PTGFRN: variants seen among roughly 807,000 people sequenced by gnomAD.
PTGFRN encodes prostaglandin F2 receptor negative regulator.
PTGFRN carries 35 observed loss-of-function variants against 83.2 expected under a neutral mutation model. The observed-to-expected ratio is 0.42, with a 90% confidence interval of 0.32 to 0.56. PTGFRN has a LOEUF of 0.56. PTGFRN is among the 20% of genes least tolerant of loss of function. The pLI is 0.11. For synonymous variants in PTGFRN, 519 were observed against 498.6 expected (o/e 1.04, Z -0.55); for missense variants, 1,051 against 1,179.5 (o/e 0.89, Z 1.60).
intron 1 of PTGFRN, among the ~76,000 whole-genome samples, chr1:116,934,371 C>T (rs918091174): frequency 3.9e-5 from 6 of 151,904 alleles, no homozygotes; most frequent in African/African-American, 9.7e-5. Flanking sequence ...GATCTTGAAC[C>T]CCTGGGCTCA....
chr1:116,961,298 C>T lies in PTGFRN; in HGVS notation c.1269C>T (p.Asp423=). The stretch of plus-strand genomic sequence containing the variant: ...CCAAGGTCCCCGGGTTTGCGGATGA[C>T]CCCACAGAGCTGGCATGCCGGGTGG... ...NASKVPGFAD[D]PTELACRVVD... The change falls in exon 5 of 9, where the codon GAC becomes GAT. Residue 423 remains aspartate (D), a synonymous_variant. Transcript: ENST00000393203. The surrounding 1 kb of genome is among the most constrained non-coding windows in gnomAD (Gnocchi z 5.4). The T allele has an allele frequency of 6.5e-7, 1 of 1,548,990 alleles. No homozygotes were observed. The highest frequency in any genetic ancestry group is 8.7e-7 in the Non-Finnish European group (1 of 1,146,500).
At position 116,961,821 on chromosome 1, in the gene PTGFRN, C is replaced by T. The variant is rs1248532166; in HGVS notation, c.1639+153C>T. ...CGCCATGCGACCCGTTGCACATGCT[C>T]TTTGGACTCACTATCACCCCTCCTC... On this transcript the variant is annotated intron_variant, in intron 5 of 8. Transcript: ENST00000393203. This position sits in a 1 kb window ranked among gnomAD's most constrained non-coding sequence, Gnocchi z 5.4. Among the ~76,000 whole-genome samples the T allele has an allele frequency of 6.6e-6, 1 of 152,202 alleles. No individual in the cohort carries two copies. Among genetic ancestry groups the T allele is most frequent in the Non-Finnish European group, 1.5e-5 (1 of 68,040 alleles).
chr1:116,927,489 T>C (rs1213839615), intron 1 of PTGFRN, among the ~76,000 whole-genome samples: 2 of 151,628 alleles, frequency 1.3e-5, no homozygotes, highest in East Asian at 3.9e-4. Context: ...GTTCCTCACT[T>C]GTTGGTGGCA....
intron 4 of PTGFRN, among the ~76,000 whole-genome samples, chr1:116,954,101 G>A (rs866408350): frequency 2.0e-5 from 3 of 152,030 alleles, no homozygotes; most frequent in Middle Eastern, 6.8e-3. Context: ...CAGGTGATCC[G>A]CCCGTCTCGG....
At chr1:116,970,568 T>C (rs1346407211) in intron 6 of PTGFRN, among the ~76,000 whole-genome samples, 5 of 152,232 alleles carry the variant, frequency 3.3e-5, no homozygotes, top group African/African-American at 1.2e-4. Flanking sequence ...TTGAGTCTAT[T>C]CCTCAGTTCT....
chr1:116,938,824 T>C (rs1441914470), intron 1 of PTGFRN, among the ~76,000 whole-genome samples: 2 of 152,220 alleles, frequency 1.3e-5, no homozygotes, highest in Non-Finnish European at 2.9e-5. Context: ...GGTTAGTTAC[T>C]TCCTAGATAC....
In PTGFRN at chr1:116,974,332, C is replaced by T. The variant is rs775489430; in HGVS notation, c.2167+9C>T. 1.3e-6 allele frequency: 2 copies of T among 1,565,914 alleles called. No homozygotes were observed. The highest frequency in any genetic ancestry group is 1.8e-6 in the Non-Finnish European group (2 of 1,136,572). ...AGCAGCACTGGATCCAGGTACCTCA[C>T]TCCATCCTCACCCCTTCACCATGTT... On this transcript the variant is annotated intron_variant, in intron 7 of 8. Transcript: ENST00000393203.
In PTGFRN at chr1:116,923,364, G is replaced by A. The variant is rs915761849; in HGVS notation, c.49+13112G>A. Among the ~76,000 whole-genome samples the A allele has an allele frequency of 6.6e-6, 1 of 152,098 alleles. No homozygotes were observed. The highest frequency in any genetic ancestry group is 1.9e-4 in the East Asian group (1 of 5,194). ...TCTTCTTTTGTTTGGAAAGAATTGC[G>A]TGTGACTTCATTTCTAAGACAGGTT... On this transcript the variant is annotated intron_variant, in intron 1 of 8. Coordinates refer to ENST00000393203, the MANE Select transcript of PTGFRN (RefSeq NM_020440.4). This position sits in a 1 kb window ranked among gnomAD's most constrained non-coding sequence, Gnocchi z 4.0.
rs779561591 is a variant in PTGFRN at position 116,944,864 on chromosome 1, G to C, written c.604G>C (p.Glu202Gln). 6.2e-7 allele frequency: 1 copy of C among 1,605,096 alleles called. No homozygotes were observed. Among genetic ancestry groups the C allele is most frequent in the Non-Finnish European group, 8.5e-7 (1 of 1,177,156 alleles). The change falls in exon 3 of 9, where the codon GAG (glutamate) becomes CAG (glutamine). Residue 202 changes from glutamate (E) to glutamine (Q), a missense_variant. Coordinates refer to ENST00000393203, the MANE Select transcript of PTGFRN (RefSeq NM_020440.4). The stretch of plus-strand genomic sequence containing the variant: ...GCGGAGCGTCCTCGCCCTGACCCAC[G>C]AGGGCAGGTTCCACCCGGGCCTGGG... ...ARRSVLALTH[E>Q]GRFHPGLGYE...
At position 116,944,777 on chromosome 1, in the gene PTGFRN, T is replaced by G. The variant is rs1424438211; in HGVS notation, c.517T>G (p.Ser173Ala). The G allele has an allele frequency of 1.3e-6, 2 of 1,558,248 alleles. No individual in the cohort carries two copies. Among genetic ancestry groups the G allele is most frequent in the Admixed American group, 1.9e-5 (1 of 53,926 alleles). ...CTTCGAGCTGCGCTGCACCGCCGCC[T>G]CCGCCTCGCCGCTGCACACGCACCT... ...EPFELRCTAA[S>A]ASPLHTHLAL... is the part of the protein sequence containing the mutation. The change falls in exon 3 of 9, where the codon TCC (serine) becomes GCC (alanine). Residue 173 changes from serine to alanine, a missense_variant. Coordinates refer to ENST00000393203, the MANE Select transcript of PTGFRN (RefSeq NM_020440.4).
chr1:116,910,376 C>T, intron 1 of PTGFRN, 124 bp downstream of exon 1: 2 of 881,008 alleles, frequency 2.3e-6, no homozygotes, highest in Non-Finnish European at 2.9e-6. Flanking sequence ...CCGGGAAACC[C>T]GGCCGGGGTG....
chr1:116,952,281 G>T lies in PTGFRN; in HGVS notation c.1213+2709G>T, dbSNP rs1650372213. Among the ~76,000 whole-genome samples the T allele has an allele frequency of 6.6e-6, 1 of 152,134 alleles. No individual in the cohort carries two copies. Among genetic ancestry groups the T allele is most frequent in the South Asian group, 2.1e-4 (1 of 4,826 alleles). ...GCTTGGGGCTTGTGTACTGAGCTAG[G>T]TGAGGGGATTGAAGCTGATTGGGGT... On this transcript the variant is annotated intron_variant, in intron 4 of 8. Coordinates refer to ENST00000393203, the MANE Select transcript of PTGFRN (RefSeq NM_020440.4). The surrounding 1 kb of genome is among the most constrained non-coding windows in gnomAD (Gnocchi z 4.0).
intron 1 of PTGFRN, among the ~76,000 whole-genome samples, chr1:116,937,493 T>G (rs2101060845): frequency 6.6e-6 from 1 of 152,270 alleles, no homozygotes; most frequent in East Asian, 1.9e-4. Context: ...GATGGGTTGA[T>G]TTTGTCCTAT....
At chr1:116,959,745 G>T (rs564553112) in intron 4 of PTGFRN, among the ~76,000 whole-genome samples, 1 of 152,144 alleles carries the variant, frequency 6.6e-6, no homozygotes, top group East Asian at 1.9e-4. Flanking sequence ...AGGCTGAGGT[G>T]GGCAGATCAC....
intron 6 of PTGFRN, among the ~76,000 whole-genome samples, chr1:116,971,139 A>T (rs1396960007): frequency 6.6e-6 from 1 of 152,116 alleles, no homozygotes; most frequent in Non-Finnish European, 1.5e-5. Context: ...TATTTTCTTC[A>T]TGACTTTGAG....
chr1:116,929,353 C>T lies in PTGFRN; in HGVS notation c.50-12362C>T, dbSNP rs146330736. ...TCCCCCATGCTGGTGTCCTTGCTTC[C>T]AAATTGGCCCCATATAATCTGTCTT... On this transcript the variant is annotated intron_variant, in intron 1 of 8. Transcript: ENST00000393203. Among the ~76,000 whole-genome samples, 82 of 152,288 alleles carry T rather than the reference C, an allele frequency of 5.4e-4. 1 individual carries two copies. Among genetic ancestry groups the T allele is most frequent in the African/African-American group, 1.9e-3 (79 of 41,548 alleles).
At chr1:116,936,338 A>T (rs1440598802) in intron 1 of PTGFRN, among the ~76,000 whole-genome samples, 5 of 152,248 alleles carry the variant, frequency 3.3e-5, no homozygotes, top group African/African-American at 1.2e-4. Context: ...TGCATGGATG[A>T]GGGGACATCC....
chr1:116,940,651 C>T (rs6688746), intron 1 of PTGFRN, among the ~76,000 whole-genome samples: 5,443 of 152,172 alleles, frequency 0.036, 122 homozygotes, highest in African/African-American at 0.06. Flanking sequence ...AGACTCTCAC[C>T]TAGACATTTT....
chr1:116,956,975 G>A (rs568007309), intron 4 of PTGFRN, among the ~76,000 whole-genome samples: 3 of 152,306 alleles, frequency 2.0e-5, no homozygotes, highest in Admixed American at 6.5e-5. Context: ...AGGTGGAAGG[G>A]AAGGGAGAGC....
Sources: gnomAD v4.1 joint callset for allele counts (sites outside exome capture counted in the v4.1 genomes callset) on GRCh38, gnomAD v4.1.1 for gene constraint, Gnocchi (gnomAD v3.1) non-coding constraint, MANE v1.5 for transcripts, NCBI Gene and HGNC (gene_info 2026-07-23, HGNC 2026-07-21) for gene names.